NRG3: variants seen among roughly 807,000 people sequenced by gnomAD.
NRG3 encodes neuregulin 3, also known as pro-neuregulin-3, membrane-bound isoform.
NRG3 carries 31 observed loss-of-function variants against 66.9 expected under a neutral mutation model. That is an observed-to-expected ratio of 0.46 (90% confidence interval 0.35 to 0.63). The LOEUF (loss-of-function observed/expected upper bound fraction) is 0.63. Ranked by LOEUF, NRG3 falls within the 20% of genes least tolerant of loss-of-function variation. The pLI, the probability that NRG3 is intolerant of heterozygous loss-of-function variation, is 0.00. For synonymous variants in NRG3, 393 were observed against 359.4 expected (o/e 1.09, Z -1.06); for missense variants, 910 against 878.9 (o/e 1.04, Z -0.45).
intron 4 of NRG3, among the ~76,000 whole-genome samples, chr10:82,893,012 A>G (rs1591849887): frequency 1.3e-5 from 2 of 152,170 alleles, no homozygotes; most frequent in African/African-American, 4.8e-5. Context: ...AATATTTATA[A>G]CATAATGGGA....
chr10:82,627,247 T>C (rs2049496330), intron 2 of NRG3, among the ~76,000 whole-genome samples: 1 of 152,140 alleles, frequency 6.6e-6, no homozygotes, highest in Non-Finnish European at 1.5e-5. Flanking sequence ...TGAAAATGCC[T>C]GACTTCTCCA....
chr10:82,407,973 G>A (rs1224827868), intron 2 of NRG3, among the ~76,000 whole-genome samples: 1 of 150,570 alleles, frequency 6.6e-6, no homozygotes, highest in African/African-American at 2.4e-5. Context: ...GGAGGCTGAG[G>A]CAGGAGAATT....
intron 1 of NRG3, among the ~76,000 whole-genome samples, chr10:82,279,242 A>G (rs1344193299): frequency 1.3e-5 from 2 of 152,158 alleles, no homozygotes; most frequent in African/African-American, 2.4e-5. Context: ...TGCTGAGGGA[A>G]GTATCCCCTG....
intron 2 of NRG3, among the ~76,000 whole-genome samples, chr10:82,518,234 C>T (rs1167599483): frequency 6.6e-6 from 1 of 152,142 alleles, no homozygotes; most frequent in Non-Finnish European, 1.5e-5. Context: ...TTTGACTATA[C>T]AGCTATGTAC....
intron 1 of NRG3, among the ~76,000 whole-genome samples, chr10:81,977,469 G>A (rs973528898): frequency 5.9e-5 from 9 of 152,238 alleles, no homozygotes; most frequent in Non-Finnish European, 7.4e-5. Context: ...AGACAATTTT[G>A]TTCTGTGTTG....
At chr10:82,942,665 C>A (rs1213511160) in intron 4 of NRG3, among the ~76,000 whole-genome samples, 1 of 152,192 alleles carries the variant, frequency 6.6e-6, no homozygotes, top group African/African-American at 2.4e-5. Context: ...CTTGCCCTTG[C>A]CCTGGACTCA....
intron 2 of NRG3, among the ~76,000 whole-genome samples, chr10:82,675,603 G>T (rs1331273803): frequency 6.6e-6 from 1 of 152,114 alleles, no homozygotes; most frequent in Non-Finnish European, 1.5e-5. Context: ...CCCTCTATCT[G>T]CCTAGCCTGG....
intron 2 of NRG3, among the ~76,000 whole-genome samples, chr10:82,640,773 A>G (rs2050518241): frequency 6.6e-6 from 1 of 152,192 alleles, no homozygotes; most frequent in African/African-American, 2.4e-5. Flanking sequence ...ATGTTAATTC[A>G]TTAAGCTCTA....
At chr10:82,067,101 T>TA (rs1297910314) in intron 1 of NRG3, among the ~76,000 whole-genome samples, 1 of 152,160 alleles carries the variant, frequency 6.6e-6, no homozygotes, top group Non-Finnish European at 1.5e-5. Flanking sequence ...TGATTTTTTT[T>TA]AAAAAATGGC....
intron 1 of NRG3, among the ~76,000 whole-genome samples, chr10:82,301,464 A>C (rs2080395306): frequency 6.6e-6 from 1 of 151,864 alleles, no homozygotes; most frequent in African/African-American, 2.4e-5. Flanking sequence ...ACAGAATCCT[A>C]CTCTTTTAAA....
chr10:82,333,920 T>G (rs1228826493), intron 1 of NRG3, among the ~76,000 whole-genome samples: 1 of 151,616 alleles, frequency 6.6e-6, no homozygotes, highest in Non-Finnish European at 1.5e-5. Flanking sequence ...CCGGGGGCGG[T>G]GACTCACGCC....
At chr10:82,266,332 G>C (rs1456183178) in intron 1 of NRG3, among the ~76,000 whole-genome samples, 3 of 152,106 alleles carry the variant, frequency 2.0e-5, no homozygotes, top group African/African-American at 7.2e-5. Context: ...AGCGGAGTTG[G>C]AGAATGCGGG....
intron 1 of NRG3, among the ~76,000 whole-genome samples, chr10:82,330,623 G>T (rs1045217982): frequency 2.6e-4 from 39 of 152,098 alleles, no homozygotes; most frequent in Non-Finnish European, 5.4e-4. Context: ...GATTCCATGT[G>T]GAAATATGAG....
chr10:82,764,863 A>C (rs1446360857), intron 3 of NRG3, among the ~76,000 whole-genome samples: 3 of 152,108 alleles, frequency 2.0e-5, no homozygotes, highest in Admixed American at 2.0e-4. Context: ...AGAGCAACAG[A>C]AAGAGAGGAA....
intron 1 of NRG3, among the ~76,000 whole-genome samples, chr10:82,302,531 G>A (rs1298743572): frequency 6.6e-6 from 1 of 152,042 alleles, no homozygotes; most frequent in East Asian, 1.9e-4. Context: ...GGAGGTAATT[G>A]TTAGTAGGTT....
At chr10:82,783,358 G>A (rs1044209646) in intron 3 of NRG3, among the ~76,000 whole-genome samples, 5 of 151,146 alleles carry the variant, frequency 3.3e-5, no homozygotes, top group African/African-American at 1.2e-4. Flanking sequence ...TCTGGCCAGG[G>A]CAATTAGGCA....
At chr10:82,838,576 A>G (rs1230168237) in intron 3 of NRG3, among the ~76,000 whole-genome samples, 2 of 152,170 alleles carry the variant, frequency 1.3e-5, no homozygotes, top group East Asian at 1.9e-4. Flanking sequence ...TGTAAAATGT[A>G]TAACTTCTTG....
chr10:82,019,214 T>C (rs532551214), intron 1 of NRG3, among the ~76,000 whole-genome samples: 3 of 152,320 alleles, frequency 2.0e-5, no homozygotes, highest in Admixed American at 1.3e-4. Flanking sequence ...TTGTCTTTGG[T>C]TCTGTTTATA....
intron 3 of NRG3, among the ~76,000 whole-genome samples, chr10:82,747,796 A>G (rs879713821): frequency 1.4e-4 from 22 of 151,952 alleles, no homozygotes; most frequent in Non-Finnish European, 3.1e-4. Context: ...GAAGCATACA[A>G]AAGTTTTGCC....
Sources: allele counts gnomAD v4.1 joint callset (sites outside exome capture counted in the v4.1 genomes callset), GRCh38; gene constraint gnomAD v4.1.1; transcripts MANE v1.5; gene names NCBI Gene and HGNC (gene_info 2026-07-23, HGNC 2026-07-21).